The following CPED1 variants were observed in gnomAD, a reference collection of about 807,000 sequenced individuals.
CPED1 encodes the protein cadherin-like and PC-esterase domain-containing protein 1.
Under a neutral mutation model 128.2 loss-of-function variants are expected in CPED1, and 114 were observed. The observed-to-expected ratio is 0.89, with a 90% CI of 0.76 to 1.04. The LOEUF (loss-of-function observed/expected upper bound fraction) is 1.04, where lower values mean the gene tolerates loss of function less well. Among genes scored for constraint, CPED1 ranks in the 50% least tolerant of loss-of-function variants. The pLI is 0.00. For synonymous variants in CPED1, 462 were observed against 426.7 expected (o/e 1.08, Z -1.02); for missense variants, 1,211 against 1,207.1 (o/e 1.00, Z -0.05).
chr7:121,242,933 C>T (rs538051543), intron 17 of CPED1, among the ~76,000 whole-genome samples: 1 of 152,102 alleles, frequency 6.6e-6, no homozygotes, highest in East Asian at 1.9e-4. Flanking sequence ...ATATTAATAA[C>T]TATTTCCACA....
chr7:121,264,653 T>C (rs1792087600), intron 18 of CPED1, among the ~76,000 whole-genome samples: 1 of 151,962 alleles, frequency 6.6e-6, no homozygotes. Flanking sequence ...TTTCTGCAGA[T>C]GGACAAATAC....
chr7:121,259,868 A>T (rs1791970800), intron 18 of CPED1, among the ~76,000 whole-genome samples: 1 of 152,086 alleles, frequency 6.6e-6, no homozygotes, highest in African/African-American at 2.4e-5. Context: ...CTGTTAAAAC[A>T]GGGAATGTAA....
In CPED1 at chr7:121,189,760, TTATATATATATATATATATATA is replaced by T. The variant is rs377035175; in HGVS notation, c.2056-46937_2056-46916del. 8.4e-5 allele frequency among the ~76,000 whole-genome samples: 4 copies of T among 47,468 alleles called. No homozygotes were observed. In the Admixed American group the frequency reaches 9.5e-4, roughly 11 times the overall value. 31.1% of individuals were successfully genotyped at this position (47,468 alleles called of 152,430 possible). ...TCTTATTTTACTTTCTTATGAGGTT[TTATATATATATATATATATATA>T]TATATATATATATATAAAATTTGTA... On this transcript the variant is annotated intron_variant, in intron 16 of 22. Coordinates refer to ENST00000310396, the MANE Select transcript of CPED1 (RefSeq NM_024913.5).
intron 22 of CPED1, among the ~76,000 whole-genome samples, chr7:121,281,628 C>A (rs371292192): frequency 1.8e-4 from 27 of 152,236 alleles, no homozygotes; most frequent in African/African-American, 6.5e-4. Context: ...TACACTGAGT[C>A]ACAGAAAAGT....
chr7:121,118,395 A>G (rs1795304005), intron 7 of CPED1, among the ~76,000 whole-genome samples: 1 of 152,042 alleles, frequency 6.6e-6, no homozygotes, highest in South Asian at 2.1e-4. Flanking sequence ...ACCTGTCTCT[A>G]CTGAAAATAC....
intron 18 of CPED1, among the ~76,000 whole-genome samples, chr7:121,263,679 TTTG>T (rs146513493): frequency 0.016 from 2,390 of 152,108 alleles, 66 homozygotes; most frequent in African/African-American, 0.053. Context: ...ATCTAGGAAT[TTTG>T]TTGTTGTTTT....
intron 7 of CPED1, 63 bp downstream of exon 7, chr7:121,100,157 G>T: frequency 6.8e-7 from 1 of 1,473,696 alleles, no homozygotes; most frequent in Non-Finnish European, 9.4e-7. Context: ...AAGTGAGTTG[G>T]GCTGCCATTT....
chr7:121,169,786 G>A (rs1039337052), intron 16 of CPED1, among the ~76,000 whole-genome samples: 7 of 152,176 alleles, frequency 4.6e-5, no homozygotes, highest in African/African-American at 1.4e-4. Context: ...GTGCTGAAAT[G>A]TGATTTCCTC....
intron 4 of CPED1, among the ~76,000 whole-genome samples, chr7:121,062,143 G>T (rs1793688196): frequency 6.6e-6 from 1 of 152,150 alleles, no homozygotes; most frequent in African/African-American, 2.4e-5. Flanking sequence ...TGCTTTGTTG[G>T]TTAAGAGAAG....
chr7:121,042,282 T>C (rs769512620), intron 3 of CPED1, among the ~76,000 whole-genome samples: 1 of 152,086 alleles, frequency 6.6e-6, no homozygotes, highest in Non-Finnish European at 1.5e-5. Flanking sequence ...GTATTGCCAA[T>C]AGTATGATGG....
chr7:121,110,677 G>T (rs890960720), intron 7 of CPED1, among the ~76,000 whole-genome samples: 3 of 152,162 alleles, frequency 2.0e-5, no homozygotes, highest in African/African-American at 7.2e-5. Context: ...CAATCACACA[G>T]GAGTCAGGAA....
chr7:121,149,799 C>T (rs1279221286), intron 16 of CPED1, among the ~76,000 whole-genome samples: 2 of 152,136 alleles, frequency 1.3e-5, no homozygotes, highest in Admixed American at 1.3e-4. Context: ...AGCTGGATTT[C>T]CAATGTGACA....
chr7:121,218,757 A>G (rs1797816263), intron 16 of CPED1, among the ~76,000 whole-genome samples: 1 of 152,068 alleles, frequency 6.6e-6, no homozygotes, highest in African/African-American at 2.4e-5. Flanking sequence ...CCTAATGTAG[A>G]TGACGGGTTG....
intron 16 of CPED1, among the ~76,000 whole-genome samples, chr7:121,164,399 G>A (rs1730687444): frequency 6.6e-6 from 1 of 152,206 alleles, no homozygotes; most frequent in Admixed American, 6.5e-5. Flanking sequence ...CCAGGATACT[G>A]GCTTCACTTC....
At position 121,127,102 on chromosome 7, in the gene CPED1, T is replaced by G; in HGVS notation, c.1147T>G (p.Leu383Val). The G allele has an allele frequency of 1.3e-6, 2 of 1,590,600 alleles. No homozygotes were observed. The highest frequency in any genetic ancestry group is 8.5e-7 in the Non-Finnish European group (1 of 1,170,862). Reference sequence around the variant, plus strand: ...TGTTCTTTCAAAGGTACACGAGCATTTAAATTTTCAAGATTATGATAATAT... The same window carrying G: ...TGTTCTTTCAAAGGTACACGAGCATGTAAATTTTCAAGATTATGATAATAT... ...YPVVLQVHEHLNFQDYDNMDF... is the reference protein window; with the variant it reads ...YPVVLQVHEHVNFQDYDNMDF... Residue 383 changes from leucine (L) to valine (V), a missense_variant, in exon 10 of 23, where the codon TTA (leucine) becomes GTA (valine). Transcript: ENST00000310396.
At chr7:121,082,888 T>C (rs921192214) in intron 5 of CPED1, among the ~76,000 whole-genome samples, 1 of 152,222 alleles carries the variant, frequency 6.6e-6, no homozygotes, top group Non-Finnish European at 1.5e-5. Context: ...TGAATTTACC[T>C]ATTCTATTAT....
chr7:121,165,047 G>T (rs10231436), intron 16 of CPED1, among the ~76,000 whole-genome samples: 66,503 of 151,800 alleles, frequency 0.44, 15,773 homozygotes, highest in East Asian at 0.84. Context: ...AAAATTCATT[G>T]TTTTCTTACA....
chr7:121,030,482 C>T (rs1160807106), intron 3 of CPED1, among the ~76,000 whole-genome samples: 1 of 152,146 alleles, frequency 6.6e-6, no homozygotes, highest in Non-Finnish European at 1.5e-5. Flanking sequence ...TGTTCTGCCC[C>T]AGGACATGAA....
chr7:121,230,675 T>G (rs939801270), intron 16 of CPED1, among the ~76,000 whole-genome samples: 3 of 151,984 alleles, frequency 2.0e-5, no homozygotes, highest in Non-Finnish European at 4.4e-5. Context: ...ATTTCCTGTT[T>G]CACAAGCAGA....
Sources: allele counts gnomAD v4.1 joint callset (sites outside exome capture counted in the v4.1 genomes callset), GRCh38; gene constraint gnomAD v4.1.1; transcripts MANE v1.5; gene names NCBI Gene and HGNC (gene_info 2026-07-23, HGNC 2026-07-21).